Variants in DNAH1 observed in about 807,000 individuals in gnomAD.
DNAH1 encodes axonemal beta dynein heavy chain 1.
A neutral mutation model predicts 484.3 loss-of-function variants in DNAH1; 327 were observed. That is an observed-to-expected ratio of 0.68 (90% CI 0.62 to 0.74). The LOEUF (loss-of-function observed/expected upper bound fraction) is 0.74, where lower values mean the gene tolerates loss of function less well. Among genes scored for constraint, DNAH1 ranks in the 30% least tolerant of loss-of-function variants. The pLI is 0.00. For missense variants in DNAH1, 5,052 were observed against 5,546.8 expected (o/e 0.91, Z 2.83); for synonymous variants, 2,192 against 2,191.9 (o/e 1.00, Z 0.00).
chr3:52,397,780 A>G lies in DNAH1; in HGVS notation c.11861A>G (p.Asn3954Ser), dbSNP rs769848353. 2 of 1,613,866 alleles carry G rather than the reference A, an allele frequency of 1.2e-6. No individual in the cohort carries two copies. The highest frequency in any genetic ancestry group is 2.2e-5 in the East Asian group (1 of 44,884). The change falls in exon 74 of 78, where the codon AAC becomes AGC. Residue 3954 changes from asparagine (N) to serine (S), a missense_variant. This residue lies in a region of DNAH1 where 853 missense variants were observed against 899.0 expected (regional missense o/e 0.95). Transcript: ENST00000420323. ...ATCTTTGGCCTGCATGACAATGCCA[A>G]CATCACCTTTGCCCAGAACGAGACG... ...PEIFGLHDNA[N>S]ITFAQNETFA...
In DNAH1 at chr3:52,356,586, C is replaced by T. The variant is rs754264866; in HGVS notation, c.3694-28C>T. The T allele has an allele frequency of 3.1e-6, 5 of 1,611,142 alleles. No homozygotes were observed. The South Asian group carries it at 4.4e-5, about 14-fold the overall frequency. On this transcript the variant is annotated intron_variant, in intron 21 of 77. Coordinates refer to ENST00000420323, the MANE Select transcript of DNAH1 (RefSeq NM_015512.5). ...GCTTGGACCCTGACAGTCCATATCACACCCCTCCCTGCCCCTCCCCTCCCC... is the reference window on the plus strand; with the variant it reads ...GCTTGGACCCTGACAGTCCATATCATACCCCTCCCTGCCCCTCCCCTCCCC...
At chr3:52,331,353 C>T in intron 7 of DNAH1, 44 bp downstream of exon 7, 1 of 1,564,290 alleles carries the variant, frequency 6.4e-7, no homozygotes. Context: ...CCAGCTTGGG[C>T]CTGGCCGGCC....
chr3:52,319,659 C>A (rs925405911), intron 1 of DNAH1, among the ~76,000 whole-genome samples: 1 of 152,360 alleles, frequency 6.6e-6, no homozygotes, highest in Non-Finnish European at 1.5e-5. Flanking sequence ...CAGTCACACT[C>A]ATTCCCAGGC....
intron 48 of DNAH1, among the ~76,000 whole-genome samples, 180 bp downstream of exon 48, chr3:52,380,315 C>T (rs1703789043): frequency 6.6e-6 from 1 of 152,158 alleles, no homozygotes; most frequent in African/African-American, 2.4e-5. Context: ...TCTCTGGGTA[C>T]CGGTTTCTTC....
Position 52,353,165 on chromosome 3 carries a change from G to T in DNAH1, c.3090G>T (p.Ala1030=), listed in dbSNP as rs140275399. The change falls in exon 19 of 78, where the codon GCG becomes GCT. Residue 1030 remains alanine, a synonymous_variant. Transcript: ENST00000420323. The surrounding 1 kb of genome is among the most constrained non-coding windows in gnomAD (Gnocchi z 5.0). ...FQPYLDLWTT[A]SDWLRWSESW... Reference sequence around the variant, plus strand: ...CCTACCTGGACCTTTGGACCACAGCGTCTGACTGGCTGCGCTGGTCGGAGA... The same window carrying T: ...CCTACCTGGACCTTTGGACCACAGCTTCTGACTGGCTGCGCTGGTCGGAGA... The T allele has an allele frequency of 1.2e-6, 2 of 1,614,014 alleles. No homozygotes were observed. Among genetic ancestry groups the T allele is most frequent in the Admixed American group, 1.7e-5 (1 of 60,032 alleles).
At chr3:52,350,977 G>C (rs1333135136) in intron 16 of DNAH1, among the ~76,000 whole-genome samples, 1 of 152,236 alleles carries the variant, frequency 6.6e-6, no homozygotes, top group African/African-American at 2.4e-5. Flanking sequence ...AGCCTCCTGA[G>C]TAGCTGGGAT....
In DNAH1 at chr3:52,328,149, G is replaced by A. The variant is rs902357399; in HGVS notation, c.871+135G>A. ...TCAAGACCTCTCAGCTGGTAGACAG[G>A]CCTAGAAGCTGGCCTCACAGAGGCA... is the stretch of plus-strand genomic sequence containing the variant. On this transcript the variant is annotated intron_variant, in intron 6 of 77. Coordinates refer to ENST00000420323, the MANE Select transcript of DNAH1 (RefSeq NM_015512.5). 9 of 1,189,366 alleles carry A rather than the reference G, an allele frequency of 7.6e-6. No individual in the cohort carries two copies. In the South Asian group the frequency reaches 1.3e-4, roughly 17 times the overall value. The allele number at this position is 1,189,366 out of a possible 1,614,324, so 73.7% of individuals were successfully genotyped here.
intron 1 of DNAH1, among the ~76,000 whole-genome samples, chr3:52,317,081 A>T (rs563393287): frequency 6.6e-6 from 1 of 152,096 alleles, no homozygotes; most frequent in African/African-American, 2.4e-5. Context: ...TTATCTAGCT[A>T]TGCTTACCTA....
intron 15 of DNAH1, 139 bp from the exon 16 acceptor site, chr3:52,350,369 G>A: frequency 1.1e-6 from 1 of 946,196 alleles, no homozygotes; most frequent in Non-Finnish European, 1.6e-6. Context: ...TTGCACCCTG[G>A]GCCTCCTCCC....
chr3:52,383,616 C>T (rs763607792), intron 51 of DNAH1, 22 bp downstream of exon 51: 1 of 1,544,712 alleles, frequency 6.5e-7, no homozygotes. Context: ...TGTCGCCAGG[C>T]TGCGCTGGGG....
intron 8 of DNAH1, among the ~76,000 whole-genome samples, chr3:52,336,830 C>CTGTA (rs1265308111): frequency 1.3e-5 from 2 of 152,206 alleles, no homozygotes; most frequent in Non-Finnish European, 2.9e-5. Flanking sequence ...GTTTTGGTTA[C>CTGTA]TGTAGCCTTG....
rs1468274769 is a variant in DNAH1, at chr3:52,360,389, C to T, written c.4650C>T (p.Asn1550=). The change falls in exon 28 of 78, where the codon AAC becomes AAT. Residue 1550 remains asparagine (N), a synonymous_variant. Coordinates refer to ENST00000420323, the MANE Select transcript of DNAH1 (RefSeq NM_015512.5). The part of the protein sequence containing the change: ...EFIYGYEYLG[N]SGRLVITPLT... Reference sequence around the variant, plus strand: ...TCTATGGCTATGAGTACCTGGGCAACAGTGGGAGGCTGGTGATCACGCCCC... The same window carrying T: ...TCTATGGCTATGAGTACCTGGGCAATAGTGGGAGGCTGGTGATCACGCCCC... 4.3e-6 allele frequency: 7 copies of T among 1,613,848 alleles called. No individual in the cohort carries two copies. The highest frequency in any genetic ancestry group is 1.7e-5 in the Admixed American group (1 of 60,008).
chr3:52,397,689 T>C lies in DNAH1; in HGVS notation c.11788-18T>C, dbSNP rs1469382392. 1.9e-6 allele frequency: 3 copies of C among 1,575,226 alleles called. No individual in the cohort carries two copies. Among genetic ancestry groups the C allele is most frequent in the Non-Finnish European group, 1.7e-6 (2 of 1,160,894 alleles). On this transcript the variant is annotated intron_variant, in intron 73 of 77. Coordinates refer to ENST00000420323, the MANE Select transcript of DNAH1 (RefSeq NM_015512.5). ...CAGAGCAAGCCAGGGGCTTCCATGT[T>C]GGCCTCCTCTCTCCTAGGGCTACCT...
At chr3:52,350,466 C>T in intron 15 of DNAH1, 42 bp from the exon 16 acceptor site, 1 of 1,590,838 alleles carries the variant, frequency 6.3e-7, no homozygotes, top group Non-Finnish European at 8.6e-7. Context: ...CCCACCACCT[C>T]CCTGGCACAC....
rs531012423 is a variant in DNAH1, at chr3:52,347,408, GTC to G, written c.1956-413_1956-412del. ...GCCAGATCTCTTGGGGCCTCCTGAG[GTC>G]TCAGCTGGGGGCTGGATTTATTCTA... On this transcript the variant is annotated intron_variant, in intron 11 of 77. Transcript: ENST00000420323. 2.6e-3 allele frequency among the ~76,000 whole-genome samples: 393 copies of G among 152,322 alleles called. 1 individual carries two copies. The highest frequency in any genetic ancestry group is 3.9e-3 in the Non-Finnish European group (267 of 68,030).
intron 11 of DNAH1, 81 bp from the exon 12 acceptor site, chr3:52,347,743 G>A: frequency 1.0e-5 from 15 of 1,429,130 alleles, no homozygotes; most frequent in Non-Finnish European, 1.4e-5. Context: ...GAGTCATAGC[G>A]CTGGCAGGAA....
At chr3:52,392,730 C>T in intron 64 of DNAH1, 41 bp downstream of exon 64, 1 of 1,570,320 alleles carries the variant, frequency 6.4e-7, no homozygotes, top group Non-Finnish European at 8.6e-7. Flanking sequence ...CGGGAGTGCC[C>T]CGGGCCTGCC....
At position 52,374,645 on chromosome 3, in the gene DNAH1, T is replaced by C. The variant is rs555385050; in HGVS notation, c.6986-595T>C. The C allele has an allele frequency of 1.8e-3, 2,681 of 1,475,386 alleles. 3 individuals are homozygous for C. The highest frequency in any genetic ancestry group is 2.3e-3 in the Non-Finnish European group (2,431 of 1,054,266). 91.4% of individuals were successfully genotyped at this position (1,475,386 alleles called of 1,614,324 possible). ...ACATCATGAGTTTAATCAGTGACAA[T>C]GCAGCGAAGATTCTGCCCATCATGT... On this transcript the variant is annotated intron_variant, in intron 44 of 77. Coordinates refer to ENST00000420323, the MANE Select transcript of DNAH1 (RefSeq NM_015512.5).
intron 46 of DNAH1, 92 bp downstream of exon 46, chr3:52,376,085 G>A (rs1448332718): frequency 6.6e-7 from 1 of 1,507,410 alleles, no homozygotes; most frequent in Non-Finnish European, 9.0e-7. Context: ...CAGGCGCCGT[G>A]GTGAACCATC....
Sources: allele counts gnomAD v4.1 joint callset (sites outside exome capture counted in the v4.1 genomes callset), GRCh38; gene constraint gnomAD v4.1.1; regional missense constraint gnomAD v4.1.1; non-coding constraint Gnocchi (gnomAD v3.1); transcripts MANE v1.5; gene names NCBI Gene and HGNC (gene_info 2026-07-23, HGNC 2026-07-21).